COL4A1: variants seen among roughly 807,000 people sequenced by gnomAD.
COL4A1 encodes the protein collagen alpha-1(IV) chain.
COL4A1 carries 40 observed loss-of-function variants against 216.6 expected under a neutral mutation model. The ratio of observed to expected loss-of-function variants is 0.18; its 90% CI spans 0.14 to 0.24. The LOEUF is 0.24. COL4A1 is among the 10% of genes least tolerant of loss of function. The probability of loss-of-function intolerance (pLI) is 1.00; values close to 1 mark genes in which losing one functional copy is unlikely to be tolerated. For synonymous variants in COL4A1, 839 were observed against 810.7 expected (o/e 1.03, Z -0.59); for missense variants, 1,628 against 2,196.8 (o/e 0.74, Z 5.18).
chr13:110,198,078 GGTGTGTGTGTGTGTGTGT>G (rs35751015), intron 21 of COL4A1, among the ~76,000 whole-genome samples: 2 of 141,842 alleles, frequency 1.4e-5, no homozygotes, highest in South Asian at 4.6e-4. Flanking sequence ...TTGTTTCTGG[GGTGTGTGTGTGTGTGTGT>G]GTGTGTGTGT....
Position 110,211,683 on chromosome 13 carries a change from A to C in COL4A1, c.442-10T>G. 1.2e-6 allele frequency: 2 copies of C among 1,611,058 alleles called. No individual in the cohort carries two copies. The highest frequency in any genetic ancestry group is 1.7e-6 in the Non-Finnish European group (2 of 1,178,778). On this transcript the variant is annotated splice_polypyrimidine_tract_variant and intron_variant, in intron 7 of 51. Transcript: ENST00000375820. The surrounding 1 kb of genome is among the most constrained non-coding windows in gnomAD (Gnocchi z 4.3). ...GTAAGCCTGGTGGTCCCTAAAAAAG[A>C]AAGTTTTGGTGTTAGTTTTGTTTTT...
intron 8 of COL4A1, among the ~76,000 whole-genome samples, chr13:110,210,797 T>C (rs1879757692): frequency 6.6e-6 from 1 of 152,104 alleles, no homozygotes; most frequent in South Asian, 2.1e-4. Context: ...TTGAAGGTCT[T>C]ACAGGATAAA....
chr13:110,187,937 G>C (rs950549386), intron 24 of COL4A1, among the ~76,000 whole-genome samples: 1 of 152,218 alleles, frequency 6.6e-6, no homozygotes, highest in African/African-American at 2.4e-5. Flanking sequence ...CAGGGCACCA[G>C]TGAGAGATGA....
At chr13:110,158,902 C>G (rs557162939) in intron 49 of COL4A1, among the ~76,000 whole-genome samples, 1 of 152,048 alleles carries the variant, frequency 6.6e-6, no homozygotes, top group Non-Finnish European at 1.5e-5. Flanking sequence ...AACACCACAC[C>G]CAGCTAATTT....
intron 24 of COL4A1, among the ~76,000 whole-genome samples, chr13:110,189,988 T>TA (rs1322332125): frequency 2.6e-5 from 4 of 152,244 alleles, no homozygotes; most frequent in Non-Finnish European, 4.4e-5. Context: ...TAAGAAATTA[T>TA]AACCAATGTA....
rs758257833 is a variant in COL4A1 at position 110,178,137 on chromosome 13, A to C, written c.2553T>G (p.Pro851=). ...PKGDKGAQGL[P]GITGQSGLPG... Reference sequence around the variant, plus strand: ...GGAGCCCCGACTGTCCCGTTATGCCAGGGAGTCCTTGAGCCCCTTTATCTC... The same window carrying C: ...GGAGCCCCGACTGTCCCGTTATGCCCGGGAGTCCTTGAGCCCCTTTATCTC... The change falls in exon 32 of 52, where the codon CCT becomes CCG. Residue 851 remains proline (P), a synonymous_variant. Coordinates refer to ENST00000375820, the MANE Select transcript of COL4A1 (RefSeq NM_001845.6). 4 of 1,614,064 alleles carry C rather than the reference A, an allele frequency of 2.5e-6. No homozygotes were observed. The African/African-American group carries it at 5.3e-5, about 22-fold the overall frequency.
At chr13:110,179,493 A>C in intron 29 of COL4A1, 72 bp from the exon 30 acceptor site, 1 of 1,605,858 alleles carries the variant, frequency 6.2e-7, no homozygotes, top group Non-Finnish European at 8.5e-7. Flanking sequence ...CAATAGCGTA[A>C]GTGAAGACTT....
At chr13:110,158,483 C>T (rs539014790) in intron 49 of COL4A1, among the ~76,000 whole-genome samples, 1 of 152,306 alleles carries the variant, frequency 6.6e-6, no homozygotes, top group South Asian at 2.1e-4. Context: ...TGGGCAGGAG[C>T]TCCAGGGGTG....
At chr13:110,302,080 G>C (rs1419154485) in intron 1 of COL4A1, among the ~76,000 whole-genome samples, 2 of 152,188 alleles carry the variant, frequency 1.3e-5, no homozygotes, top group African/African-American at 4.8e-5. Context: ...AGCTGGAAGG[G>C]AGTCCCAGCC....
At position 110,163,569 on chromosome 13, in the gene COL4A1, A is replaced by G; in HGVS notation, c.4151-8T>C. ...CCACCAATCCTGTAACACCTGAGGC[A>G]GAGGAAAAATAATTTATGATCCTGT... On this transcript the variant is annotated splice_polypyrimidine_tract_variant and splice_region_variant and intron_variant, in intron 46 of 51. Coordinates refer to ENST00000375820, the MANE Select transcript of COL4A1 (RefSeq NM_001845.6). 1.2e-6 allele frequency: 2 copies of G among 1,611,770 alleles called. No individual in the cohort carries two copies. The highest frequency in any genetic ancestry group is 2.2e-5 in the East Asian group (1 of 44,844).
At chr13:110,169,114 C>T (rs916266260) in intron 43 of COL4A1, among the ~76,000 whole-genome samples, 2 of 151,836 alleles carry the variant, frequency 1.3e-5, no homozygotes, top group African/African-American at 4.8e-5. Context: ...CTTCTGAAGG[C>T]TTGTCTAAGT....
intron 1 of COL4A1, among the ~76,000 whole-genome samples, chr13:110,303,505 C>T (rs1884573301): frequency 6.6e-6 from 1 of 152,206 alleles, no homozygotes; most frequent in African/African-American, 2.4e-5. Flanking sequence ...GGTCATCTTT[C>T]AGTGCAAAGA....
At chr13:110,279,724 T>C (rs767533086) in intron 1 of COL4A1, among the ~76,000 whole-genome samples, 3 of 152,232 alleles carry the variant, frequency 2.0e-5, no homozygotes, top group Non-Finnish European at 4.4e-5. Context: ...ACTTCATATT[T>C]TAAGTTTTGC....
intron 33 of COL4A1, 70 bp from the exon 34 acceptor site, chr13:110,177,107 C>A: frequency 6.2e-7 from 1 of 1,602,002 alleles, no homozygotes; most frequent in Non-Finnish European, 8.5e-7. Flanking sequence ...GGCTCACGTT[C>A]TTGTTGACAG....
At chr13:110,233,875 G>A (rs1429762302) in intron 2 of COL4A1, among the ~76,000 whole-genome samples, 4 of 152,142 alleles carry the variant, frequency 2.6e-5, no homozygotes, top group Non-Finnish European at 1.5e-5. Context: ...TCCTGGGAGC[G>A]CTTCTGTCAC....
rs370332353 is a variant in COL4A1 at position 110,187,141 on chromosome 13, C to T, written c.1725G>A (p.Ser575=). The T allele has an allele frequency of 2.4e-4, 381 of 1,613,830 alleles. 1 individual carries two copies. The highest frequency in any genetic ancestry group is 2.9e-4 in the Non-Finnish European group (344 of 1,179,894). Residue 575 remains serine, a synonymous_variant, in exon 25 of 52, where the codon TCG becomes TCA. Coordinates refer to ENST00000375820, the MANE Select transcript of COL4A1 (RefSeq NM_001845.6). ...CAAAGTCTGGAGATAAACATACCGGCGAGCCCTTGGGGCCAGGAAGACCCG... is the reference window on the plus strand; with the variant it reads ...CAAAGTCTGGAGATAAACATACCGGTGAGCCCTTGGGGCCAGGAAGACCCG... The part of the protein sequence containing the change: ...GHPGLPGPKG[S]PGSVGLKGER...
At chr13:110,198,664 T>C (rs1445992106) in intron 20 of COL4A1, 33 bp from the exon 21 acceptor site, 13 of 1,613,404 alleles carry the variant, frequency 8.1e-6, no homozygotes, top group Non-Finnish European at 1.1e-5. Flanking sequence ...ATCAGTAACC[T>C]CAGGGCCACT....
chr13:110,237,604 A>G (rs1881379347), intron 2 of COL4A1, among the ~76,000 whole-genome samples: 1 of 152,212 alleles, frequency 6.6e-6, no homozygotes, highest in African/African-American at 2.4e-5. Context: ...CCACTGTATA[A>G]TAGATATTAC....
intron 43 of COL4A1, among the ~76,000 whole-genome samples, chr13:110,168,723 T>TA (rs1416563365): frequency 2.0e-5 from 3 of 152,306 alleles, no homozygotes; most frequent in African/African-American, 7.2e-5. Context: ...TGTGTTGACT[T>TA]ACAGAAGAAC....
Sources: allele counts gnomAD v4.1 joint callset (sites outside exome capture counted in the v4.1 genomes callset), GRCh38; gene constraint gnomAD v4.1.1; non-coding constraint Gnocchi (gnomAD v3.1); transcripts MANE v1.5; gene names NCBI Gene and HGNC (gene_info 2026-07-23, HGNC 2026-07-21).